GFRA1: variants seen among roughly 807,000 people sequenced by gnomAD.
GFRA1 encodes the protein GDNF family receptor alpha 1, also known as GDNF family receptor alpha-1.
In GFRA1, 16 loss-of-function variants were observed where a neutral mutation model predicts 51.6. The ratio of observed to expected loss-of-function variants is 0.31; its 90% confidence interval spans 0.21 to 0.47. The LOEUF (loss-of-function observed/expected upper bound fraction) is 0.47, where lower values mean the gene tolerates loss of function less well. Ranked by LOEUF, GFRA1 falls within the 20% of genes least tolerant of loss-of-function variation. The pLI is 1.00. For synonymous variants in GFRA1, 270 were observed against 241.3 expected, an observed-to-expected ratio of 1.12 and a Z score of -1.10; for missense variants, 530 against 594.3, an observed-to-expected ratio of 0.89 and a Z score of 1.13.
intron 6 of GFRA1, among the ~76,000 whole-genome samples, chr10:116,117,065 G>A (rs1957439063): frequency 6.6e-6 from 1 of 152,186 alleles, no homozygotes; most frequent in Non-Finnish European, 1.5e-5. Context: ...GAGTTAGGAA[G>A]ACTGAGCTGA....
intron 5 of GFRA1, among the ~76,000 whole-genome samples, chr10:116,202,586 G>C (rs1487545561): frequency 6.6e-6 from 1 of 152,092 alleles, no homozygotes; most frequent in East Asian, 1.9e-4. Flanking sequence ...AGGAAGCATG[G>C]CTGGGAGGCT....
chr10:116,230,494 G>C (rs1432937732), intron 4 of GFRA1, among the ~76,000 whole-genome samples: 2 of 152,192 alleles, frequency 1.3e-5, no homozygotes, highest in African/African-American at 4.8e-5. Flanking sequence ...CTGGAAACGT[G>C]CTACAGGGAA....
At chr10:116,183,772 G>A (rs1475460029) in intron 5 of GFRA1, among the ~76,000 whole-genome samples, 1 of 152,192 alleles carries the variant, frequency 6.6e-6, no homozygotes, top group Non-Finnish European at 1.5e-5. Context: ...CTCTGTAACA[G>A]GGCAGGACAG....
chr10:116,255,428 A>G (rs1179642749), intron 4 of GFRA1, among the ~76,000 whole-genome samples: 1 of 151,934 alleles, frequency 6.6e-6, no homozygotes, highest in Non-Finnish European at 1.5e-5. Flanking sequence ...ATAGAAAACA[A>G]TGCTTCAACT....
At chr10:116,126,641 G>A (rs1195009418) in intron 5 of GFRA1, among the ~76,000 whole-genome samples, 2 of 152,204 alleles carry the variant, frequency 1.3e-5, no homozygotes, top group Admixed American at 6.5e-5. Flanking sequence ...TCTCTGGAGC[G>A]GGCAGGGAGG....
chr10:116,126,986 C>T (rs1310945342), intron 5 of GFRA1, among the ~76,000 whole-genome samples: 2 of 151,858 alleles, frequency 1.3e-5, no homozygotes, highest in Admixed American at 6.6e-5. Context: ...GTGAAATAAA[C>T]CAGTCACAGG....
intron 6 of GFRA1, among the ~76,000 whole-genome samples, chr10:116,105,337 T>G (rs912610740): frequency 2.6e-5 from 4 of 152,224 alleles, no homozygotes; most frequent in African/African-American, 9.6e-5. Flanking sequence ...CAATGAATCT[T>G]TCACCAGCAG....
intron 4 of GFRA1, among the ~76,000 whole-genome samples, chr10:116,257,397 G>A (rs1968954963): frequency 6.6e-6 from 1 of 150,452 alleles, no homozygotes; most frequent in Non-Finnish European, 1.5e-5. Context: ...CCTAAATGCT[G>A]GGCTCTGTGC....
chr10:116,265,640 C>A (rs1375589023), intron 4 of GFRA1, among the ~76,000 whole-genome samples: 1 of 152,204 alleles, frequency 6.6e-6, no homozygotes, highest in African/African-American at 2.4e-5. Flanking sequence ...GGTGCAAGAG[C>A]AGAGATCTCG....
At chr10:116,265,879 C>A (rs1485895758) in intron 4 of GFRA1, among the ~76,000 whole-genome samples, 1 of 152,162 alleles carries the variant, frequency 6.6e-6, no homozygotes, top group East Asian at 1.9e-4. Context: ...AGGAAACACA[C>A]CTCCTCAAGC....
intron 5 of GFRA1, among the ~76,000 whole-genome samples, chr10:116,138,783 T>C (rs1044765888): frequency 6.6e-6 from 1 of 151,898 alleles, no homozygotes; most frequent in Non-Finnish European, 1.5e-5. Flanking sequence ...TTTAATGGAG[T>C]GTTGGTGAGT....
At chr10:116,198,802 C>A (rs1168918625) in intron 5 of GFRA1, among the ~76,000 whole-genome samples, 1 of 152,186 alleles carries the variant, frequency 6.6e-6, no homozygotes, top group Non-Finnish European at 1.5e-5. Context: ...TTGAATAATT[C>A]TTTCCCAAAA....
chr10:116,223,736 C>T (rs1038746733), intron 4 of GFRA1, among the ~76,000 whole-genome samples: 1 of 152,182 alleles, frequency 6.6e-6, no homozygotes, highest in Non-Finnish European at 1.5e-5. Flanking sequence ...CCACTGAGTG[C>T]CTTTGCAAAA....
chr10:116,069,265 ATTATT>A (rs1412393074), intron 9 of GFRA1, among the ~76,000 whole-genome samples: 1 of 152,218 alleles, frequency 6.6e-6, no homozygotes, highest in Non-Finnish European at 1.5e-5. Context: ...TGAAAAATGA[ATTATT>A]TAATCCTTTT....
At chr10:116,132,213 G>GAACA (rs955557454) in intron 5 of GFRA1, among the ~76,000 whole-genome samples, 4 of 151,980 alleles carry the variant, frequency 2.6e-5, no homozygotes, top group Non-Finnish European at 5.9e-5. Context: ...GTGTCTCAAA[G>GAACA]AACAAACAAA....
At chr10:116,181,484 G>C (rs1330284795) in intron 5 of GFRA1, among the ~76,000 whole-genome samples, 1 of 152,176 alleles carries the variant, frequency 6.6e-6, no homozygotes, top group Non-Finnish European at 1.5e-5. Context: ...CCTCATGCTG[G>C]AGGACTGAGC....
At chr10:116,225,534 C>CAAAA (rs756377767) in intron 4 of GFRA1, among the ~76,000 whole-genome samples, 15 of 63,964 alleles carry the variant, frequency 2.3e-4, no homozygotes, top group African/African-American at 9.5e-4. Flanking sequence ...AGTCTGTCTC[C>CAAAA]AAAAAAAAAA....
chr10:116,101,675 A>C (rs1956820761), intron 6 of GFRA1, among the ~76,000 whole-genome samples: 1 of 152,144 alleles, frequency 6.6e-6, no homozygotes, highest in South Asian at 2.1e-4. Context: ...AACAGGTAAA[A>C]ACATACCAGT....
intron 9 of GFRA1, among the ~76,000 whole-genome samples, chr10:116,078,645 G>A (rs1395983186): frequency 5.3e-5 from 8 of 152,186 alleles, no homozygotes. Context: ...AGACCATTAC[G>A]CAGAGAAAAC....
Sources: allele counts gnomAD v4.1 joint callset (sites outside exome capture counted in the v4.1 genomes callset), GRCh38; gene constraint gnomAD v4.1.1; transcripts MANE v1.5; gene names NCBI Gene and HGNC (gene_info 2026-07-23, HGNC 2026-07-21).